RALYL: variants seen among roughly 807,000 people sequenced by gnomAD.
RALYL encodes the protein RALY RNA binding protein like.
RALYL carries 29 observed loss-of-function variants against 35.1 expected under a neutral mutation model. The ratio of observed to expected loss-of-function variants is 0.83; its 90% CI spans 0.61 to 1.13. The LOEUF is 1.13. Ranked by LOEUF, RALYL falls within the 50% of genes most tolerant of loss-of-function variation. The probability of loss-of-function intolerance (pLI) is 0.00; values close to 1 mark genes in which losing one functional copy is unlikely to be tolerated. For missense variants in RALYL, 359 were observed against 360.4 expected, an observed-to-expected ratio of 1.00 and a Z score of 0.03; for synonymous variants, 120 against 127.6, an observed-to-expected ratio of 0.94 and a Z score of 0.40.
At chr8:84,479,190 C>T (rs1407365364) in intron 1 of RALYL, among the ~76,000 whole-genome samples, 1 of 145,272 alleles carries the variant, frequency 6.9e-6, no homozygotes, top group African/African-American at 2.5e-5. Flanking sequence ...TGTAGATAAT[C>T]CTTTTATTAA....
intron 1 of RALYL, among the ~76,000 whole-genome samples, chr8:84,498,450 C>G (rs1157390389): frequency 6.6e-6 from 1 of 152,092 alleles, no homozygotes; most frequent in Non-Finnish European, 1.5e-5. Flanking sequence ...TAAAAAGCCT[C>G]ATCGAAGCTA....
At chr8:84,634,144 G>A (rs186447141) in intron 2 of RALYL, among the ~76,000 whole-genome samples, 35 of 151,872 alleles carry the variant, frequency 2.3e-4, no homozygotes, top group African/African-American at 7.0e-4. Context: ...ATTAAATTTC[G>A]TATTCATGAT....
chr8:84,632,860 G>A (rs1824223327), intron 2 of RALYL, among the ~76,000 whole-genome samples: 1 of 151,888 alleles, frequency 6.6e-6, no homozygotes, highest in Admixed American at 6.6e-5. Flanking sequence ...ACTGCACATA[G>A]CCCCATGGCC....
intron 1 of RALYL, among the ~76,000 whole-genome samples, chr8:84,337,585 G>T (rs530061357): frequency 6.6e-6 from 1 of 152,176 alleles, no homozygotes; most frequent in East Asian, 1.9e-4. Context: ...AAGTATGACA[G>T]CAGAAAACAT....
At chr8:84,785,668 T>C (rs1819269548) in intron 3 of RALYL, among the ~76,000 whole-genome samples, 2 of 152,198 alleles carry the variant, frequency 1.3e-5, no homozygotes, top group Non-Finnish European at 2.9e-5. Flanking sequence ...TCCAAGATGT[T>C]CTTTGCAGTT....
intron 2 of RALYL, among the ~76,000 whole-genome samples, chr8:84,695,914 C>T (rs1449760206): frequency 1.3e-5 from 2 of 151,756 alleles, no homozygotes; most frequent in African/African-American, 4.8e-5. Flanking sequence ...TTAAACACTC[C>T]TAATACAGCA....
At chr8:84,463,857 T>A (rs573736918) in intron 1 of RALYL, among the ~76,000 whole-genome samples, 8 of 152,068 alleles carry the variant, frequency 5.3e-5, no homozygotes, top group Non-Finnish European at 1.0e-4. Context: ...AATCATGGTG[T>A]AGAACAATGC....
intron 2 of RALYL, among the ~76,000 whole-genome samples, chr8:84,584,569 C>G (rs1811568959): frequency 6.6e-6 from 1 of 151,238 alleles, no homozygotes; most frequent in Non-Finnish European, 1.5e-5. Flanking sequence ...TGCCACTGCA[C>G]TCCAGCCTGG....
chr8:84,492,057 C>G (rs751877505), intron 1 of RALYL, among the ~76,000 whole-genome samples: 1 of 151,928 alleles, frequency 6.6e-6, no homozygotes, highest in Non-Finnish European at 1.5e-5. Flanking sequence ...CAGAATATAA[C>G]TTAAAACTAT....
chr8:84,336,328 C>T (rs185653641), intron 1 of RALYL, among the ~76,000 whole-genome samples: 1 of 152,238 alleles, frequency 6.6e-6, no homozygotes, highest in East Asian at 1.9e-4. Flanking sequence ...GTTTGGTTTA[C>T]AATTTCAACC....
intron 2 of RALYL, among the ~76,000 whole-genome samples, chr8:84,761,079 T>A (rs1435721315): frequency 6.6e-6 from 1 of 152,078 alleles, no homozygotes; most frequent in African/African-American, 2.4e-5. Context: ...CACATTTCAC[T>A]ACAAAAATAG....
chr8:84,861,529 T>A (rs886087410), intron 5 of RALYL, among the ~76,000 whole-genome samples: 6 of 152,250 alleles, frequency 3.9e-5, no homozygotes, highest in African/African-American at 7.2e-5. Context: ...TTTATTGATT[T>A]TTTTGTTAAA....
At chr8:84,623,003 C>A (rs1386419615) in intron 2 of RALYL, among the ~76,000 whole-genome samples, 7 of 152,158 alleles carry the variant, frequency 4.6e-5, no homozygotes, top group Non-Finnish European at 1.0e-4. Flanking sequence ...ATTGTGCACA[C>A]CATACTGCTT....
At chr8:84,530,230 A>C (rs1355594377) in intron 2 of RALYL, among the ~76,000 whole-genome samples, 1 of 152,046 alleles carries the variant, frequency 6.6e-6, no homozygotes, top group Non-Finnish European at 1.5e-5. Context: ...GATAAAAATC[A>C]AAATTAGATA....
intron 1 of RALYL, among the ~76,000 whole-genome samples, chr8:84,307,173 GA>G (rs1278899859): frequency 1.3e-5 from 2 of 152,152 alleles, no homozygotes; most frequent in African/African-American, 4.8e-5. Flanking sequence ...GAAGAGAAGA[GA>G]AACCCCATTC....
intron 2 of RALYL, among the ~76,000 whole-genome samples, chr8:84,538,146 T>C (rs2059751751): frequency 1.3e-5 from 2 of 152,188 alleles, no homozygotes; most frequent in South Asian, 4.1e-4. Flanking sequence ...GCCAGGGAGA[T>C]ACATGGCCCC....
At chr8:84,666,866 G>A (rs907470990) in intron 2 of RALYL, among the ~76,000 whole-genome samples, 1 of 152,074 alleles carries the variant, frequency 6.6e-6, no homozygotes, top group Non-Finnish European at 1.5e-5. Context: ...CATTCAGTGA[G>A]CACCTATTAT....
chr8:84,650,369 T>G (rs1042184965), intron 2 of RALYL, among the ~76,000 whole-genome samples: 1 of 151,772 alleles, frequency 6.6e-6, no homozygotes, highest in African/African-American at 2.4e-5. Flanking sequence ...TCAAACAAAT[T>G]TACAAGAAAA....
chr8:84,823,758 C>T (rs1208784707), intron 4 of RALYL, among the ~76,000 whole-genome samples: 3 of 152,128 alleles, frequency 2.0e-5, no homozygotes, highest in Non-Finnish European at 4.4e-5. Flanking sequence ...CCTTGTCCTA[C>T]TTCTTCCCTC....
Sources: allele counts gnomAD v4.1 joint callset (sites outside exome capture counted in the v4.1 genomes callset), GRCh38; gene constraint gnomAD v4.1.1; transcripts MANE v1.5; gene names NCBI Gene and HGNC (gene_info 2026-07-23, HGNC 2026-07-21).